DYNC1I2: variants seen among roughly 807,000 people sequenced by gnomAD.
DYNC1I2 encodes the protein dynein cytoplasmic 1 intermediate chain 2.
Under a neutral mutation model 88.6 loss-of-function variants are expected in DYNC1I2, and 53 were observed. That is an observed-to-expected ratio of 0.60 (90% CI 0.48 to 0.75). The LOEUF is 0.75. Ranked by LOEUF, DYNC1I2 falls within the 30% of genes least tolerant of loss-of-function variation. The pLI is 0.00. For missense variants in DYNC1I2, 458 were observed against 766.6 expected (o/e 0.60, Z 4.75); for synonymous variants, 198 against 254.6 (o/e 0.78, Z 2.12).
At chr2:171,724,098 A>G (rs1038387979) in intron 7 of DYNC1I2, among the ~76,000 whole-genome samples, 1 of 152,124 alleles carries the variant, frequency 6.6e-6, no homozygotes, top group Admixed American at 6.6e-5. Context: ...AGTTCTGTAA[A>G]CTTGTCAGAA....
Position 171,698,448 on chromosome 2 carries a change from G to A in DYNC1I2, c.226+5554G>A, listed in dbSNP as rs763041417. Reference sequence around the variant, plus strand: ...CACCCATTTTGGAATGCAGTGGTGCGATTTTGGCTCCCTGCAACCTCCGCC... The same window carrying A: ...CACCCATTTTGGAATGCAGTGGTGCAATTTTGGCTCCCTGCAACCTCCGCC... On this transcript the variant is annotated intron_variant, in intron 3 of 17. Coordinates refer to ENST00000397119, the MANE Select transcript of DYNC1I2 (RefSeq NM_001378.3). Among the ~76,000 whole-genome samples the A allele has an allele frequency of 3.3e-5, 5 of 151,968 alleles. No homozygotes were observed. In the South Asian group the frequency reaches 8.3e-4, roughly 25 times the overall value.
rs926729927 is a variant in DYNC1I2, at chr2:171,688,938, A to G, written c.-9-1209A>G. Among the ~76,000 whole-genome samples the G allele has an allele frequency of 3.9e-5, 6 of 152,304 alleles. No individual in the cohort carries two copies. In the East Asian group the frequency reaches 7.7e-4, roughly 20 times the overall value. On this transcript the variant is annotated intron_variant, in intron 1 of 17. Coordinates refer to ENST00000397119, the MANE Select transcript of DYNC1I2 (RefSeq NM_001378.3). ...ATTGAAAGAGATTGATCATTAGGCA[A>G]TAAGTCAATCATGTGGAGAAGGTAA...
At chr2:171,737,505 C>G (rs1689091246) in intron 15 of DYNC1I2, among the ~76,000 whole-genome samples, 1 of 152,176 alleles carries the variant, frequency 6.6e-6, no homozygotes, top group Non-Finnish European at 1.5e-5. Context: ...GCAACCTCCA[C>G]CTCCCAGGTT....
At chr2:171,718,303 T>G (rs187988679) in intron 7 of DYNC1I2, among the ~76,000 whole-genome samples, 57 of 152,264 alleles carry the variant, frequency 3.7e-4, no homozygotes, top group African/African-American at 1.2e-3. Context: ...AAAAATAGTT[T>G]TTTCTAATTA....
intron 2 of DYNC1I2, among the ~76,000 whole-genome samples, chr2:171,690,712 G>C (rs572918923): frequency 6.8e-6 from 1 of 146,452 alleles, no homozygotes; most frequent in African/African-American, 2.5e-5. Context: ...GGAGTGCAGT[G>C]GTTTGAGCAC....
intron 5 of DYNC1I2, chr2:171,712,501 C>T (rs1328245979): frequency 2.9e-5 from 10 of 345,982 alleles, no homozygotes; most frequent in Non-Finnish European, 5.2e-5. Flanking sequence ...TATTAGTTTC[C>T]CATAATCTGC....
At chr2:171,699,928 TAG>T (rs1686115186) in intron 3 of DYNC1I2, among the ~76,000 whole-genome samples, 1 of 152,150 alleles carries the variant, frequency 6.6e-6, no homozygotes, top group Admixed American at 6.5e-5. Context: ...TTAATGGTTA[TAG>T]TCTCTTCAGA....
chr2:171,732,834 C>G (rs1013563960), intron 15 of DYNC1I2, among the ~76,000 whole-genome samples: 1 of 152,238 alleles, frequency 6.6e-6, no homozygotes, highest in East Asian at 1.9e-4. Flanking sequence ...TGGCCAACTT[C>G]CTTTTCGGTA....
intron 7 of DYNC1I2, among the ~76,000 whole-genome samples, chr2:171,723,574 A>G (rs982372652): frequency 1.3e-5 from 2 of 152,216 alleles, no homozygotes; most frequent in African/African-American, 4.8e-5. Flanking sequence ...TACCAATTAT[A>G]CTATTTTCAG....
chr2:171,699,724 C>G (rs1181941396), intron 3 of DYNC1I2, among the ~76,000 whole-genome samples: 3 of 151,716 alleles, frequency 2.0e-5, no homozygotes, highest in Non-Finnish European at 4.4e-5. Flanking sequence ...ACTGTAGCTT[C>G]AGTCTCCTGG....
rs1689974227 is a variant in DYNC1I2 at position 171,749,325 on chromosome 2, T to G, written c.*1436T>G. Among the ~76,000 whole-genome samples, 1 of 152,158 alleles carries G rather than the reference T, an allele frequency of 6.6e-6. No individual in the cohort carries two copies. Among genetic ancestry groups the G allele is most frequent in the Non-Finnish European group, 1.5e-5 (1 of 67,986 alleles). ...TTCAGCTCTACTCAATTAAGGGGTA[T>G]CAGTATGTGAAATGGAATATAGAAA... is the stretch of plus-strand genomic sequence containing the variant. On this transcript the variant is annotated 3_prime_UTR_variant, in exon 18 of 18. Coordinates refer to ENST00000397119, the MANE Select transcript of DYNC1I2 (RefSeq NM_001378.3).
At position 171,749,962 on chromosome 2, in the gene DYNC1I2, C is replaced by CAGTT. The variant is rs1459058256; in HGVS notation, c.*2075_*2078dup. On this transcript the variant is annotated 3_prime_UTR_variant, in exon 18 of 18. Coordinates refer to ENST00000397119, the MANE Select transcript of DYNC1I2 (RefSeq NM_001378.3). ...AAGCCTTATAATTTTGAAAAATATC[C>CAGTT]AGTTACAGAAATTGTACCTTATCAG... Among the ~76,000 whole-genome samples the CAGTT allele has an allele frequency of 6.6e-6, 1 of 152,090 alleles. No individual in the cohort carries two copies. Among genetic ancestry groups the CAGTT allele is most frequent in the Non-Finnish European group, 1.5e-5 (1 of 68,000 alleles).
At chr2:171,738,303 G>T (rs2105756236) in intron 15 of DYNC1I2, among the ~76,000 whole-genome samples, 1 of 151,922 alleles carries the variant, frequency 6.6e-6, no homozygotes, top group South Asian at 2.1e-4. Context: ...TTGCACTCCA[G>T]CCTGGGAGAC....
intron 3 of DYNC1I2, among the ~76,000 whole-genome samples, chr2:171,696,983 T>G (rs1164577382): frequency 6.6e-6 from 1 of 151,916 alleles, no homozygotes; most frequent in Non-Finnish European, 1.5e-5. Flanking sequence ...CTATATGTTT[T>G]TATTTTTCTT....
At chr2:171,693,191 T>C in intron 3 of DYNC1I2, 1 of 323,544 alleles carries the variant, frequency 3.1e-6, no homozygotes. Context: ...TGCCATACTG[T>C]GTTAAGCTCA....
At chr2:171,692,483 T>A (rs932043033) in intron 2 of DYNC1I2, among the ~76,000 whole-genome samples, 1 of 152,184 alleles carries the variant, frequency 6.6e-6, no homozygotes, top group Non-Finnish European at 1.5e-5. Context: ...TTTCATACTG[T>A]AGATAATTCG....
intron 3 of DYNC1I2, among the ~76,000 whole-genome samples, chr2:171,698,899 G>A (rs1376511624): frequency 1.3e-5 from 2 of 151,698 alleles, no homozygotes; most frequent in African/African-American, 2.4e-5. Context: ...GGGTCTCGCC[G>A]TGTTGCCTAG....
At chr2:171,712,627 T>TTC in intron 5 of DYNC1I2, 140 bp from the exon 6 acceptor site, 1 of 608,702 alleles carries the variant, frequency 1.6e-6, no homozygotes, top group Non-Finnish European at 2.8e-6. Flanking sequence ...GTTTTCGATT[T>TTC]TTTTTTTTTA....
intron 3 of DYNC1I2, among the ~76,000 whole-genome samples, chr2:171,696,892 G>A (rs1168666472): frequency 1.3e-5 from 2 of 151,950 alleles, no homozygotes; most frequent in African/African-American, 4.8e-5. Flanking sequence ...ATAGTCCTAG[G>A]TTCACAAACA....
Sources: gnomAD v4.1 joint callset for allele counts (sites outside exome capture counted in the v4.1 genomes callset) on GRCh38, gnomAD v4.1.1 for gene constraint, MANE v1.5 for transcripts, NCBI Gene and HGNC (gene_info 2026-07-23, HGNC 2026-07-21) for gene names.